The following DLGAP2 variants were observed in gnomAD, a reference collection of about 807,000 sequenced individuals.
DLGAP2 encodes the protein disks large-associated protein 2.
DLGAP2 carries 26 observed loss-of-function variants against 100.3 expected under a neutral mutation model. That is an observed-to-expected ratio of 0.26 (90% CI 0.19 to 0.36). The LOEUF is 0.36. Ranked by LOEUF, DLGAP2 falls within the 10% of genes least tolerant of loss-of-function variation. The pLI is 1.00. For missense variants in DLGAP2, 1,858 were observed against 1,453.2 expected (o/e 1.28, Z -4.53); for synonymous variants, 886 against 630.1 (o/e 1.41, Z -6.08).
At chr8:741,536 C>G (rs1187848530) in intron 1 of DLGAP2, among the ~76,000 whole-genome samples, 2 of 152,152 alleles carry the variant, frequency 1.3e-5, no homozygotes, top group African/African-American at 4.8e-5. Flanking sequence ...GCTGCAGGTG[C>G]ACCTCTCCTG....
rs146060378 is a variant in DLGAP2 at position 1,546,311 on chromosome 8, C to G, written c.173-2315C>G. On this transcript the variant is annotated intron_variant, in intron 4 of 14. Coordinates refer to ENST00000637795, the MANE Select transcript of DLGAP2 (RefSeq NM_001346810.2). ...AGAATATGCAGGAGCAATCCCTTTG[C>G]TGGCCTCAGTGGGAGAAACAGCCCC... is the stretch of plus-strand genomic sequence containing the variant. 1.2e-3 allele frequency among the ~76,000 whole-genome samples: 178 copies of G among 152,336 alleles called. 1 individual carries two copies. In the South Asian group the frequency reaches 0.012, roughly 10 times the overall value.
At chr8:1,056,163 G>A (rs1222127573) in intron 2 of DLGAP2, among the ~76,000 whole-genome samples, 2 of 152,158 alleles carry the variant, frequency 1.3e-5, no homozygotes, top group African/African-American at 4.8e-5. Context: ...CTCGTTTTAG[G>A]AAAAAATACC....
intron 1 of DLGAP2, among the ~76,000 whole-genome samples, chr8:802,329 C>G (rs1033115314): frequency 3.9e-5 from 6 of 152,266 alleles, no homozygotes; most frequent in African/African-American, 1.4e-4. Context: ...GGGGAATAGT[C>G]CGCGCTCCTC....
rs933066417 is a variant in DLGAP2, at chr8:1,632,817, A to T, written c.1591-10A>T. The T allele has an allele frequency of 6.3e-7, 1 of 1,598,024 alleles. No homozygotes were observed. Among genetic ancestry groups the T allele is most frequent in the Non-Finnish European group, 8.5e-7 (1 of 1,170,670 alleles). On this transcript the variant is annotated splice_polypyrimidine_tract_variant and intron_variant, in intron 7 of 14. Coordinates refer to ENST00000637795, the MANE Select transcript of DLGAP2 (RefSeq NM_001346810.2). Reference sequence around the variant, plus strand: ...GGCCGGGGCATCACGTGTGCTGTTGATGATTGCAGGTGAGCGAGGCGGAGA... The same window carrying T: ...GGCCGGGGCATCACGTGTGCTGTTGTTGATTGCAGGTGAGCGAGGCGGAGA...
rs185740647 is a variant in DLGAP2 at position 1,027,646 on chromosome 8, G to A, written c.73+119680G>A. 1.9e-4 allele frequency among the ~76,000 whole-genome samples: 26 copies of A among 139,172 alleles called. 1 individual carries two copies. The highest frequency in any genetic ancestry group is 5.4e-3 in the Middle Eastern group (1 of 186). 91.3% of individuals were successfully genotyped at this position (139,172 alleles called of 152,430 possible). On this transcript the variant is annotated intron_variant, in intron 2 of 14. Coordinates refer to ENST00000637795, the MANE Select transcript of DLGAP2 (RefSeq NM_001346810.2). Reference sequence around the variant, plus strand: ...TCAGGCGCCCGTTATTCTCCAGGTGGGGTACCAGGCGCCCGTTATTCTCCA... The same window carrying A: ...TCAGGCGCCCGTTATTCTCCAGGTGAGGTACCAGGCGCCCGTTATTCTCCA...
At chr8:1,193,003 T>C (rs1244637733) in intron 2 of DLGAP2, among the ~76,000 whole-genome samples, 7 of 152,138 alleles carry the variant, frequency 4.6e-5, no homozygotes, top group African/African-American at 1.2e-4. Context: ...GACATGAACT[T>C]ATCAATTTTT....
At chr8:1,053,975 A>G (rs1237408293) in intron 2 of DLGAP2, among the ~76,000 whole-genome samples, 1 of 152,124 alleles carries the variant, frequency 6.6e-6, no homozygotes, top group East Asian at 1.9e-4. Context: ...CTTTTTGTGT[A>G]AAGAAATCTG....
intron 2 of DLGAP2, among the ~76,000 whole-genome samples, chr8:1,233,398 G>T (rs1264603733): frequency 1.3e-5 from 2 of 152,172 alleles, no homozygotes; most frequent in East Asian, 1.9e-4. Flanking sequence ...TAACCTCCTG[G>T]GAGCAAGGGC....
rs1339398117 is a variant in DLGAP2, at chr8:1,701,497, C to G, written c.*91C>G. On this transcript the variant is annotated 3_prime_UTR_variant, in exon 15 of 15. Transcript: ENST00000637795. ...GCCCTGGTGGTTTCTGTCTCCTCCTCCCGCTGAACACGTCCTCGCTCCCGC... is the reference window on the plus strand; with the variant it reads ...GCCCTGGTGGTTTCTGTCTCCTCCTGCCGCTGAACACGTCCTCGCTCCCGC... 3 of 1,319,986 alleles carry G rather than the reference C, an allele frequency of 2.3e-6. No homozygotes were observed. The highest frequency in any genetic ancestry group is 1.4e-5 in the South Asian group (1 of 70,886). 81.8% of individuals were successfully genotyped at this position (1,319,986 alleles called of 1,614,324 possible).
chr8:1,463,764 G>A (rs1798528336), intron 3 of DLGAP2, among the ~76,000 whole-genome samples: 2 of 152,252 alleles, frequency 1.3e-5, no homozygotes, highest in South Asian at 4.1e-4. Context: ...CCGTCAGATG[G>A]GCCTGGAGCA....
chr8:1,104,652 C>G (rs1259525306), intron 2 of DLGAP2, among the ~76,000 whole-genome samples: 2 of 152,178 alleles, frequency 1.3e-5, no homozygotes, highest in Admixed American at 1.3e-4. Context: ...GCCTGCAACC[C>G]CGCTTGGCAG....
At chr8:1,031,887 G>T (rs1380781903) in intron 2 of DLGAP2, among the ~76,000 whole-genome samples, 1 of 152,214 alleles carries the variant, frequency 6.6e-6, no homozygotes, top group Admixed American at 6.5e-5. Context: ...GCCACCATAA[G>T]TCCATGCTAC....
At chr8:1,149,809 C>CGGAAAAA (rs1563217044) in intron 2 of DLGAP2, among the ~76,000 whole-genome samples, 200 of 152,294 alleles carry the variant, frequency 1.3e-3, no homozygotes, top group African/African-American at 4.6e-3. Context: ...TCTCTTGACT[C>CGGAAAAA]GTCACTTTCA....
intron 1 of DLGAP2, among the ~76,000 whole-genome samples, chr8:844,618 A>G (rs1797041164): frequency 6.6e-6 from 1 of 152,182 alleles, no homozygotes; most frequent in Admixed American, 6.5e-5. Context: ...TCGCCTATCA[A>G]GGATCCCCAC....
chr8:1,634,079 A>G (rs968413625), intron 8 of DLGAP2, among the ~76,000 whole-genome samples: 1 of 152,204 alleles, frequency 6.6e-6, no homozygotes, highest in Non-Finnish European at 1.5e-5. Context: ...ATTTCATAGT[A>G]GAGTCTGTGG....
chr8:962,867 C>A (rs1237213796), intron 2 of DLGAP2, among the ~76,000 whole-genome samples: 4 of 152,192 alleles, frequency 2.6e-5, no homozygotes, highest in Non-Finnish European at 2.9e-5. Flanking sequence ...TAGGATCCAT[C>A]TGTGGGTGGC....
At chr8:1,603,507 A>AGTTCCG (rs1796696286) in intron 6 of DLGAP2, among the ~76,000 whole-genome samples, 1 of 142,400 alleles carries the variant, frequency 7.0e-6, no homozygotes, top group Non-Finnish European at 1.5e-5. Flanking sequence ...TCTCAGTTCC[A>AGTTCCG]TAGAGGCTGG....
At chr8:792,909 C>T (rs903146153) in intron 1 of DLGAP2, among the ~76,000 whole-genome samples, 1 of 152,224 alleles carries the variant, frequency 6.6e-6, no homozygotes, top group Non-Finnish European at 1.5e-5. Context: ...TTTTCACTTC[C>T]CACGCATTTC....
rs367752288 is a variant in DLGAP2 at position 1,254,262 on chromosome 8, C to T, written c.74-4589C>T. Among the ~76,000 whole-genome samples the T allele has an allele frequency of 7.2e-5, 11 of 152,312 alleles. No homozygotes were observed. The East Asian group carries it at 1.2e-3, about 16-fold the overall frequency. On this transcript the variant is annotated intron_variant, in intron 2 of 14. Transcript: ENST00000637795. ...CGTCTCCCCTGCCCTGGGGGAACCC[C>T]GGGCACATCCAGGACTCCGCTCTGT...
Sources: gnomAD v4.1 joint callset for allele counts (sites outside exome capture counted in the v4.1 genomes callset) on GRCh38, gnomAD v4.1.1 for gene constraint, MANE v1.5 for transcripts, NCBI Gene and HGNC (gene_info 2026-07-23, HGNC 2026-07-21) for gene names.